The following RYR2 variants were observed in gnomAD, a reference collection of about 807,000 sequenced individuals.
The protein encoded by RYR2 is cardiac muscle ryanodine receptor-calcium release channel.
A neutral mutation model predicts 601.1 loss-of-function variants in RYR2; 227 were observed. That is an observed-to-expected ratio of 0.38 (90% CI 0.34 to 0.42). The LOEUF is 0.42. Among genes scored for constraint, RYR2 ranks in the 10% least tolerant of loss-of-function variants. The probability of loss-of-function intolerance (pLI) is 1.00; values close to 1 mark genes in which losing one functional copy is unlikely to be tolerated. For missense variants in RYR2, 4,646 were observed against 6,156.5 expected (o/e 0.75, Z 8.21); for synonymous variants, 2,223 against 2,175.1 (o/e 1.02, Z -0.61).
At chr1:237,308,999 C>T (rs1434396050) in intron 2 of RYR2, among the ~76,000 whole-genome samples, 3 of 152,236 alleles carry the variant, frequency 2.0e-5, no homozygotes, top group Admixed American at 2.0e-4. Flanking sequence ...TAGCTAGACA[C>T]AGAGCACTGA....
intron 12 of RYR2, among the ~76,000 whole-genome samples, chr1:237,430,422 A>G (rs896117440): frequency 7.2e-5 from 11 of 152,058 alleles, no homozygotes; most frequent in Admixed American, 5.3e-4. Flanking sequence ...TAAAGGTATT[A>G]CAAATATTTT....
chr1:237,697,318 G>A, intron 63 of RYR2, among the ~76,000 whole-genome samples: 1 of 144,274 alleles, frequency 6.9e-6, no homozygotes, highest in Admixed American at 7.2e-5. Context: ...TTCTGTAGGT[G>A]TGTGTGTGTG....
intron 80 of RYR2, among the ~76,000 whole-genome samples, chr1:237,752,069 A>G (rs1433671676): frequency 6.6e-6 from 1 of 152,178 alleles, no homozygotes; most frequent in Non-Finnish European, 1.5e-5. Flanking sequence ...TATTCATGCA[A>G]ATTTTCTTGA....
chr1:237,462,790 T>C (rs1659626929), intron 16 of RYR2, among the ~76,000 whole-genome samples: 1 of 152,200 alleles, frequency 6.6e-6, no homozygotes, highest in South Asian at 2.1e-4. Context: ...GAAATGGGCT[T>C]TAGACATGCA....
chr1:237,441,520 A>AT, intron 13 of RYR2, 37 bp downstream of exon 13: 1 of 1,433,954 alleles, frequency 7.0e-7, no homozygotes. Flanking sequence ...TATAGAAGTA[A>AT]TTTTTTATGA....
chr1:237,664,930 G>C (rs1325365046), intron 56 of RYR2, among the ~76,000 whole-genome samples: 1 of 152,204 alleles, frequency 6.6e-6, no homozygotes. Context: ...GGGAACTATG[G>C]TGTTGATAGC....
chr1:237,741,509 T>C (rs747030786), intron 79 of RYR2, among the ~76,000 whole-genome samples: 4 of 152,228 alleles, frequency 2.6e-5, no homozygotes, highest in Non-Finnish European at 4.4e-5. Context: ...TATTGGTTAA[T>C]GACCAATTTC....
Position 237,833,725 on chromosome 1 carries a change from T to C in RYR2, c.*1078T>C, listed in dbSNP as rs1302918424. The C allele has an allele frequency of 2.0e-5, 3 of 152,622 alleles. No homozygotes were observed. In the East Asian group the frequency reaches 5.8e-4, roughly 29 times the overall value. 9.5% of individuals were successfully genotyped at this position (152,622 alleles called of 1,614,324 possible). ...TCAGTTTTGTTGATTAAGGACTTCT[T>C]GTCAGGCCATTTTTTAATATCAAAG... On this transcript the variant is annotated 3_prime_UTR_variant, in exon 105 of 105. Transcript: ENST00000366574.
chr1:237,661,506 AAAGAAG>A lies in RYR2; in HGVS notation c.8436+569_8436+574del, dbSNP rs1025215786. Among the ~76,000 whole-genome samples, 3 of 152,138 alleles carry A rather than the reference AAAGAAG, an allele frequency of 2.0e-5. No homozygotes were observed. In the East Asian group the frequency reaches 5.8e-4, roughly 29 times the overall value. On this transcript the variant is annotated intron_variant, in intron 56 of 104. Transcript: ENST00000366574. ...AACTTAAAGTATAATAAAAAATTTA[AAAGAAG>A]AAGAAGAAGTAACCAGTTGTAAGGT...
At chr1:237,642,330 A>G (rs1198894913) in intron 47 of RYR2, among the ~76,000 whole-genome samples, 2 of 152,234 alleles carry the variant, frequency 1.3e-5, no homozygotes, top group Non-Finnish European at 2.9e-5. Context: ...TCTGATTTTT[A>G]TAAAAACTTA....
intron 56 of RYR2, among the ~76,000 whole-genome samples, chr1:237,663,016 T>C (rs554927616): frequency 5.9e-5 from 9 of 152,328 alleles, no homozygotes; most frequent in Admixed American, 3.3e-4. Context: ...TAGTGGTAAA[T>C]GAAAGAGTAT....
At chr1:237,618,101 G>A (rs148980318) in intron 38 of RYR2, among the ~76,000 whole-genome samples, 1 of 152,232 alleles carries the variant, frequency 6.6e-6, no homozygotes, top group Non-Finnish European at 1.5e-5. Context: ...ATTCACAGAT[G>A]TCTTTTTTGA....
At chr1:237,197,956 A>G (rs1301053496) in intron 1 of RYR2, among the ~76,000 whole-genome samples, 4 of 152,336 alleles carry the variant, frequency 2.6e-5, no homozygotes, top group East Asian at 3.9e-4. Flanking sequence ...TTGGTCAATC[A>G]TAGGTTGGCA....
intron 12 of RYR2, among the ~76,000 whole-genome samples, chr1:237,432,875 TG>T (rs1212966874): frequency 1.3e-5 from 2 of 151,106 alleles, no homozygotes; most frequent in African/African-American, 2.4e-5. Context: ...CTCTTTTTGT[TG>T]TTTTTTTTTT....
intron 8 of RYR2, among the ~76,000 whole-genome samples, chr1:237,382,911 T>TGTG (rs1379227901): frequency 1.4e-5 from 2 of 138,282 alleles, no homozygotes; most frequent in Non-Finnish European, 3.0e-5. Context: ...CTCATTTGTT[T>TGTG]TTGTTTTTTT....
chr1:237,565,517 C>A (rs1671974910), intron 27 of RYR2, among the ~76,000 whole-genome samples: 1 of 152,050 alleles, frequency 6.6e-6, no homozygotes, highest in African/African-American at 2.4e-5. Context: ...AGTGTTGAGA[C>A]TACAGCTGTG....
rs563454253 is a variant in RYR2 at position 237,442,264 on chromosome 1, T to A, written c.1170+781T>A. Among the ~76,000 whole-genome samples the A allele has an allele frequency of 1.8e-4, 27 of 152,352 alleles. No individual in the cohort carries two copies. In the South Asian group the frequency reaches 5.4e-3, roughly 30 times the overall value. On this transcript the variant is annotated intron_variant, in intron 13 of 104. Transcript: ENST00000366574. ...CAAATTTTTCTTTTGATAATGACGTTTGGTCATGGTTCTTCTACTAGATTT... is the reference window on the plus strand; with the variant it reads ...CAAATTTTTCTTTTGATAATGACGTATGGTCATGGTTCTTCTACTAGATTT...
At chr1:237,608,435 G>T (rs768221471) in intron 35 of RYR2, among the ~76,000 whole-genome samples, 1 of 152,158 alleles carries the variant, frequency 6.6e-6, no homozygotes, top group Non-Finnish European at 1.5e-5. Flanking sequence ...GGTCTCAGTG[G>T]CTCATGCTTG....
At chr1:237,289,518 C>G (rs940277913) in intron 2 of RYR2, among the ~76,000 whole-genome samples, 9 of 152,134 alleles carry the variant, frequency 5.9e-5, no homozygotes, top group African/African-American at 2.2e-4. Context: ...AGGAGAAGTG[C>G]TGTGCAAAGA....
Sources: allele counts gnomAD v4.1 joint callset (sites outside exome capture counted in the v4.1 genomes callset), GRCh38; gene constraint gnomAD v4.1.1; transcripts MANE v1.5; gene names NCBI Gene and HGNC (gene_info 2026-07-23, HGNC 2026-07-21).